The following RAD50 variants were observed in gnomAD, a reference collection of about 807,000 sequenced individuals.
RAD50 encodes the protein RAD50 double strand break repair protein, also known as DNA repair protein RAD50.
Under a neutral mutation model 168.8 loss-of-function variants are expected in RAD50, and 132 were observed. The observed-to-expected ratio is 0.78, with a 90% confidence interval of 0.68 to 0.90. The LOEUF (loss-of-function observed/expected upper bound fraction) is 0.90. Ranked by LOEUF, RAD50 falls within the 40% of genes least tolerant of loss-of-function variation. The pLI, the probability that RAD50 is intolerant of heterozygous loss-of-function variation, is 0.00. For synonymous variants in RAD50, 525 were observed against 497.4 expected (o/e 1.06, Z -0.74); for missense variants, 1,347 against 1,534.4 (o/e 0.88, Z 2.04).
chr5:132,641,342 GT>G (rs1351175634), intron 24 of RAD50, among the ~76,000 whole-genome samples: 1 of 152,134 alleles, frequency 6.6e-6, no homozygotes, highest in Non-Finnish European at 1.5e-5. Flanking sequence ...CGCCAAGGTT[GT>G]CAAGCAGCTC....
chr5:132,624,412 G>T (rs1310446882), intron 21 of RAD50, among the ~76,000 whole-genome samples: 2 of 151,908 alleles, frequency 1.3e-5, no homozygotes, highest in African/African-American at 2.4e-5. Flanking sequence ...ATTCTTTTTA[G>T]TCTTCTCAGC....
Position 132,588,099 on chromosome 5 carries a change from A to C in RAD50, c.1051+10A>C. On this transcript the variant is annotated intron_variant, in intron 7 of 24. Transcript: ENST00000378823. ...CTGCTTGTTGAACAGGGTAGGACAA[A>C]ATGTTTATTTGGTCGTTTTTCCTAC... 1 of 1,606,192 alleles carries C rather than the reference A, an allele frequency of 6.2e-7. No homozygotes were observed. Among genetic ancestry groups the C allele is most frequent in the Non-Finnish European group, 8.5e-7 (1 of 1,173,208 alleles).
At chr5:132,622,382 C>T (rs1751301241) in intron 21 of RAD50, among the ~76,000 whole-genome samples, 1 of 152,168 alleles carries the variant, frequency 6.6e-6, no homozygotes, top group South Asian at 2.1e-4. Context: ...TGGTCTTGAA[C>T]TCCTGGCCTC....
Position 132,641,142 on chromosome 5 carries a change from A to G in RAD50, c.3752+337A>G, listed in dbSNP as rs570645081. 3.7e-4 allele frequency among the ~76,000 whole-genome samples: 57 copies of G among 152,320 alleles called. 2 individuals carry two copies. The South Asian group carries it at 0.011, about 30-fold the overall frequency. ...AACCCACATGTCATGCACAGCAATT[A>G]GCATGCCCTGCTAAGACATCTGCAG... is the stretch of plus-strand genomic sequence containing the variant. On this transcript the variant is annotated intron_variant, in intron 24 of 24. Transcript: ENST00000378823.
intron 9 of RAD50, among the ~76,000 whole-genome samples, chr5:132,590,732 A>G (rs550762901): frequency 2.6e-5 from 4 of 152,160 alleles, no homozygotes; most frequent in African/African-American, 9.7e-5. Flanking sequence ...TTATGTAAAC[A>G]TTTATTTTTG....
At chr5:132,561,971 T>C (rs1214365968) in intron 2 of RAD50, among the ~76,000 whole-genome samples, 1 of 152,224 alleles carries the variant, frequency 6.6e-6, no homozygotes, top group African/African-American at 2.4e-5. Context: ...TTTCCTGCCC[T>C]CATTCTTGAA....
intron 21 of RAD50, among the ~76,000 whole-genome samples, chr5:132,636,040 A>G (rs530577252): frequency 6.6e-6 from 1 of 152,310 alleles, no homozygotes; most frequent in East Asian, 1.9e-4. Flanking sequence ...AAGATCACGA[A>G]ATGATTCTAC....
At chr5:132,634,963 T>C (rs887517681) in intron 21 of RAD50, among the ~76,000 whole-genome samples, 3 of 152,202 alleles carry the variant, frequency 2.0e-5, no homozygotes, top group Non-Finnish European at 2.9e-5. Flanking sequence ...TTTATATTCA[T>C]AAGAAAAATA....
intron 19 of RAD50, among the ~76,000 whole-genome samples, chr5:132,610,221 C>G (rs2522395): frequency 0.069 from 10,456 of 152,068 alleles, 1,128 homozygotes; most frequent in African/African-American, 0.23. Context: ...ATTTCCTTAT[C>G]ACAAACTGTG....
chr5:132,638,234 C>G lies in RAD50; in HGVS notation c.3618+11C>G, dbSNP rs754979569. On this transcript the variant is annotated intron_variant, in intron 23 of 24. Transcript: ENST00000378823. Reference sequence around the variant, plus strand: ...AGTGCTGGACAAAAGGCAGGTATCTCAAAAGCCTGGGGAGCCAACTCACCC... The same window carrying G: ...AGTGCTGGACAAAAGGCAGGTATCTGAAAAGCCTGGGGAGCCAACTCACCC... 1.9e-6 allele frequency: 3 copies of G among 1,613,998 alleles called. No individual in the cohort carries two copies. The highest frequency in any genetic ancestry group is 2.2e-5 in the South Asian group (2 of 91,066).
At chr5:132,579,718 C>T (rs914786783) in intron 4 of RAD50, 144 bp from the exon 5 acceptor site, 34 of 878,962 alleles carry the variant, frequency 3.9e-5, no homozygotes, top group Admixed American at 2.1e-4. Flanking sequence ...ATTTTTTTCA[C>T]TTACCATTAT....
At chr5:132,567,472 G>A (rs1186488084) in intron 2 of RAD50, among the ~76,000 whole-genome samples, 1 of 152,214 alleles carries the variant, frequency 6.6e-6, no homozygotes, top group Non-Finnish European at 1.5e-5. Context: ...TCACTAGGCA[G>A]ATGAAACAAA....
chr5:132,563,386 T>C (rs977758319), intron 2 of RAD50, among the ~76,000 whole-genome samples: 5 of 152,218 alleles, frequency 3.3e-5, no homozygotes, highest in Non-Finnish European at 5.9e-5. Context: ...TTGGAAACTT[T>C]AGTGGTGAAA....
intron 23 of RAD50, 95 bp from the exon 24 acceptor site, chr5:132,640,577 A>C: frequency 6.4e-7 from 1 of 1,557,720 alleles, no homozygotes; most frequent in Non-Finnish European, 8.8e-7. Context: ...GACGTTTCCC[A>C]CTTTTCCCTG....
chr5:132,572,841 C>G (rs1750330791), intron 2 of RAD50, among the ~76,000 whole-genome samples: 1 of 152,178 alleles, frequency 6.6e-6, no homozygotes, highest in Non-Finnish European at 1.5e-5. Context: ...TTCAAATAAT[C>G]CAGGGTAATC....
rs752216468 is a variant in RAD50, at chr5:132,591,435, A to G, written c.1635+29A>G. The G allele has an allele frequency of 1.3e-5, 20 of 1,586,826 alleles. No individual in the cohort carries two copies. In the East Asian group the frequency reaches 4.1e-4, roughly 32 times the overall value. ...TGATTTTTCTTTTTGTTCTAATTAT[A>G]CTGTCTGGTACTTAAAATAGCCTAC... On this transcript the variant is annotated intron_variant, in intron 10 of 24. Transcript: ENST00000378823.
At chr5:132,621,164 C>G (rs551482003) in intron 21 of RAD50, among the ~76,000 whole-genome samples, 1 of 152,206 alleles carries the variant, frequency 6.6e-6, no homozygotes, top group African/African-American at 2.4e-5. Flanking sequence ...TCGTGGAGCA[C>G]CATTATCAGT....
chr5:132,558,861 C>T lies in RAD50; in HGVS notation c.130-423C>T, dbSNP rs537273984. Among the ~76,000 whole-genome samples, 4 of 152,014 alleles carry T rather than the reference C, an allele frequency of 2.6e-5. No individual in the cohort carries two copies. In the South Asian group the frequency reaches 6.2e-4, roughly 24 times the overall value. ...GGTCGAGGCTGCAGTAAGCCATGAT[C>T]ATGCAGCTGCACTGCAGCCTGGGCA... On this transcript the variant is annotated intron_variant, in intron 1 of 24. Transcript: ENST00000378823.
intron 21 of RAD50, among the ~76,000 whole-genome samples, chr5:132,629,432 G>GGT (rs1751424076): frequency 1.3e-5 from 2 of 152,172 alleles, no homozygotes; most frequent in Admixed American, 6.5e-5. Context: ...GAGGGAGCTT[G>GGT]GTGGAGCCTG....
Sources: allele counts gnomAD v4.1 joint callset (sites outside exome capture counted in the v4.1 genomes callset), GRCh38; gene constraint gnomAD v4.1.1; transcripts MANE v1.5; gene names NCBI Gene and HGNC (gene_info 2026-07-23, HGNC 2026-07-21).